Variants in RB1CC1 observed in about 807,000 individuals in gnomAD.
RB1CC1 encodes RB1-inducible coiled-coil protein 1.
Under a neutral mutation model 177.5 loss-of-function variants are expected in RB1CC1, and 46 were observed. The observed-to-expected ratio is 0.26, with a 90% CI of 0.20 to 0.33. The LOEUF (loss-of-function observed/expected upper bound fraction) is 0.33. RB1CC1 is among the 10% of genes least tolerant of loss of function. RB1CC1 has a pLI of 1.00. For synonymous variants in RB1CC1, 666 were observed against 613.6 expected, an observed-to-expected ratio of 1.09 and a Z score of -1.26; for missense variants, 1,703 against 1,816.3, an observed-to-expected ratio of 0.94 and a Z score of 1.13.
intron 3 of RB1CC1, among the ~76,000 whole-genome samples, chr8:52,684,413 T>C (rs1249439774): frequency 6.6e-6 from 1 of 152,206 alleles, no homozygotes; most frequent in African/African-American, 2.4e-5. Context: ...AAAAAATCCA[T>C]AATTCAATTT....
chr8:52,691,898 T>C (rs565003841), intron 1 of RB1CC1, among the ~76,000 whole-genome samples: 1 of 152,348 alleles, frequency 6.6e-6, no homozygotes, highest in South Asian at 2.1e-4. Context: ...CCTAAGTAAA[T>C]GGCACATAAA....
rs748757194 is a variant in RB1CC1 at position 52,628,035 on chromosome 8, C to G, written c.4633G>C (p.Gly1545Arg). The G allele has an allele frequency of 6.3e-7, 1 of 1,590,970 alleles. No individual in the cohort carries two copies. The highest frequency in any genetic ancestry group is 8.5e-7 in the Non-Finnish European group (1 of 1,170,554). The change falls in exon 22 of 24, where the codon GGT (glycine) becomes CGT (arginine). Residue 1545 changes from glycine (G) to arginine (R), a missense_variant. Physicochemically the swap from Gly to Arg is moderately radical, Grantham distance 125 (BLOSUM62 -2). Transcript: ENST00000025008. ...TTAGTCATGGAATGACACTTACCAC[C>G]CTCACCTGGTTTGAGATCCAGGGCA... The part of the protein sequence containing the change: ...LPALDLKPGE[G>R]ASGASRRPWV...
intron 17 of RB1CC1, 46 bp from the exon 18 acceptor site, chr8:52,642,637 C>T: frequency 1.3e-6 from 2 of 1,597,904 alleles, no homozygotes; most frequent in Non-Finnish European, 1.7e-6. Context: ...ATTAAAAAAA[C>T]CACTTTGCAT....
intron 22 of RB1CC1, 123 bp from the exon 23 acceptor site, chr8:52,624,910 T>TAA: frequency 1.5e-6 from 1 of 650,450 alleles, no homozygotes; most frequent in Non-Finnish European, 2.5e-6. Flanking sequence ...TGTAAGACTT[T>TAA]AAAAACTACC....
At chr8:52,685,645 C>CT (rs1854207881) in intron 2 of RB1CC1, 125 bp from the exon 3 acceptor site, 1 of 416,538 alleles carries the variant, frequency 2.4e-6, no homozygotes, top group Admixed American at 4.4e-5. Context: ...GCTTTGATGT[C>CT]TAGGATGGCT....
intron 5 of RB1CC1, among the ~76,000 whole-genome samples, chr8:52,680,216 A>T (rs1032894069): frequency 6.6e-6 from 1 of 152,220 alleles, no homozygotes; most frequent in African/African-American, 2.4e-5. Context: ...AATTATAACC[A>T]AATTCTTTTC....
chr8:52,669,530 A>C (rs948283399), intron 7 of RB1CC1, among the ~76,000 whole-genome samples: 3 of 152,230 alleles, frequency 2.0e-5, no homozygotes, highest in Non-Finnish European at 4.4e-5. Flanking sequence ...TCAAGAATCC[A>C]GTGTAGTTAA....
chr8:52,648,221 T>C (rs1563372281), intron 15 of RB1CC1, among the ~76,000 whole-genome samples: 1 of 152,152 alleles, frequency 6.6e-6, no homozygotes, highest in Non-Finnish European at 1.5e-5. Flanking sequence ...AAAGCAAAGA[T>C]TGCACAGGTT....
chr8:52,666,474 C>T (rs1331781457), intron 8 of RB1CC1, among the ~76,000 whole-genome samples: 1 of 151,176 alleles, frequency 6.6e-6, no homozygotes, highest in East Asian at 1.9e-4. Context: ...GACGAGATAG[C>T]GCCACTGCAC....
intron 16 of RB1CC1, among the ~76,000 whole-genome samples, chr8:52,644,580 C>T (rs1849846842): frequency 6.6e-6 from 1 of 152,140 alleles, no homozygotes; most frequent in South Asian, 2.1e-4. Flanking sequence ...TAAAACTTGG[C>T]TATTCCTCCT....
chr8:52,654,906 T>C (rs926910221), intron 15 of RB1CC1, among the ~76,000 whole-genome samples: 10 of 152,174 alleles, frequency 6.6e-5, no homozygotes, highest in African/African-American at 2.4e-4. Flanking sequence ...TCCTTAGCTA[T>C]AAATCTCAAC....
At chr8:52,636,143 T>C (rs1418760743) in intron 18 of RB1CC1, 74 bp from the exon 19 acceptor site, 1 of 1,455,416 alleles carries the variant, frequency 6.9e-7, no homozygotes, top group Non-Finnish European at 9.2e-7. Flanking sequence ...GAAATTAAAA[T>C]ATTAATACAG....
intron 16 of RB1CC1, among the ~76,000 whole-genome samples, chr8:52,643,480 T>A (rs894137914): frequency 1.3e-5 from 2 of 152,008 alleles, no homozygotes; most frequent in South Asian, 2.1e-4. Context: ...GTGGGAGGAC[T>A]GCTTGAGCCC....
intron 19 of RB1CC1, 37 bp downstream of exon 19, chr8:52,635,978 T>C (rs374345878): frequency 1.6e-5 from 26 of 1,600,036 alleles, no homozygotes; most frequent in Non-Finnish European, 2.2e-5. Flanking sequence ...AAAGTGAACA[T>C]ATTAAACATG....
chr8:52,685,218 G>T (rs1466897218), intron 3 of RB1CC1, among the ~76,000 whole-genome samples, 181 bp downstream of exon 3: 1 of 151,918 alleles, frequency 6.6e-6, no homozygotes, highest in Admixed American at 6.5e-5. Context: ...TGGCCAGGAT[G>T]GTCTCGATCT....
intron 18 of RB1CC1, among the ~76,000 whole-genome samples, chr8:52,636,712 A>C (rs1315102640): frequency 6.6e-6 from 1 of 152,148 alleles, no homozygotes; most frequent in Non-Finnish European, 1.5e-5. Flanking sequence ...AGAGTTTTAT[A>C]ATTTTAGCTT....
At chr8:52,684,965 G>A (rs1351623757) in intron 3 of RB1CC1, among the ~76,000 whole-genome samples, 4 of 149,480 alleles carry the variant, frequency 2.7e-5, no homozygotes, top group African/African-American at 9.8e-5. Flanking sequence ...TATAAAATAT[G>A]TTGGGATAAA....
intron 1 of RB1CC1, among the ~76,000 whole-genome samples, chr8:52,693,516 TATATC>T (rs1354711936): frequency 6.6e-6 from 1 of 152,154 alleles, no homozygotes; most frequent in African/African-American, 2.4e-5. Flanking sequence ...ACCATAATGA[TATATC>T]ATCTTACACC....
rs1316807823 is a variant in RB1CC1 at position 52,676,450 on chromosome 8, T to A, written c.491A>T (p.Tyr164Phe). The change falls in exon 6 of 24, where the codon TAC becomes TTC. Residue 164 changes from tyrosine (Y) to phenylalanine (F), a missense_variant. Physicochemically the swap from Tyr to Phe is conservative, Grantham distance 22 (BLOSUM62 3). Coordinates refer to ENST00000025008, the MANE Select transcript of RB1CC1 (RefSeq NM_014781.5). The part of the protein sequence containing the change: ...MANLEDCSNS[Y>F]QKLLFKFESI... ...TTCAAACTTGAAAAGTAGCTTTTGG[T>A]ATGAATTTGAACAGTCCTCCAGGTT... is the stretch of plus-strand genomic sequence containing the variant. 6.2e-7 allele frequency: 1 copy of A among 1,613,436 alleles called. No individual in the cohort carries two copies. The highest frequency in any genetic ancestry group is 2.2e-5 in the East Asian group (1 of 44,864).
Sources: gnomAD v4.1 joint callset for allele counts (sites outside exome capture counted in the v4.1 genomes callset) on GRCh38, gnomAD v4.1.1 for gene constraint, MANE v1.5 for transcripts, NCBI Gene and HGNC (gene_info 2026-07-23, HGNC 2026-07-21) for gene names.